TRIO: variants seen among roughly 807,000 people sequenced by gnomAD.
TRIO encodes the protein trio Rho guanine nucleotide exchange factor, also known as triple functional domain protein.
In TRIO, 58 loss-of-function variants were observed where a neutral mutation model predicts 351.9. The ratio of observed to expected loss-of-function variants is 0.16; its 90% CI spans 0.13 to 0.21. The LOEUF (loss-of-function observed/expected upper bound fraction) is 0.21. TRIO is among the 10% of genes least tolerant of loss of function. TRIO has a pLI of 1.00. For missense variants in TRIO, 3,201 were observed against 4,027.8 expected (o/e 0.79, Z 5.56); for synonymous variants, 1,758 against 1,595.7 (o/e 1.10, Z -2.42).
intron 1 of TRIO, among the ~76,000 whole-genome samples, chr5:14,224,086 T>A (rs1397447107): frequency 6.6e-6 from 1 of 152,178 alleles, no homozygotes; most frequent in Non-Finnish European, 1.5e-5. Context: ...TGTTTTATTT[T>A]GAGAATTTTA....
chr5:14,265,463 A>G (rs1031648017), intron 1 of TRIO, among the ~76,000 whole-genome samples: 2 of 152,202 alleles, frequency 1.3e-5, no homozygotes, highest in African/African-American at 4.8e-5. Context: ...AATTTGATTC[A>G]TTTGATTCAT....
rs1488944370 is a variant in TRIO at position 14,497,890 on chromosome 5, T to C, written c.8047+16T>C. 6.2e-7 allele frequency: 1 copy of C among 1,614,248 alleles called. No individual in the cohort carries two copies. The highest frequency in any genetic ancestry group is 2.2e-5 in the East Asian group (1 of 44,888). ...ATTTATGACGGTGAGTTCTGTTCTT[T>C]TTCTTCTAGTCCTAGAGATGATTCT... On this transcript the variant is annotated intron_variant, in intron 51 of 56. Coordinates refer to ENST00000344204, the MANE Select transcript of TRIO (RefSeq NM_007118.4). This position sits in a 1 kb window ranked among gnomAD's most constrained non-coding sequence, Gnocchi z 4.4.
Position 14,390,958 on chromosome 5 carries a change from C to A in TRIO, c.4186C>A (p.Leu1396Met), listed in dbSNP as rs772377862. The change falls in exon 27 of 57, where the codon CTG becomes ATG. Residue 1396 changes from leucine (L) to methionine (M), a missense_variant. Leu to Met is a conservative substitution (Grantham distance 15, BLOSUM62 2). This residue lies in a region of TRIO where 115 missense variants were observed against 239.6 expected (regional missense o/e 0.48). Coordinates refer to ENST00000344204, the MANE Select transcript of TRIO (RefSeq NM_007118.4). ...YCKNKPDSTQ[L>M]ILEHAGSYFD... ...CAAAAATAAGCCTGATTCTACTCAGCTGATATTGGAACATGCAGGGTCCTA... is the reference window on the plus strand; with the variant it reads ...CAAAAATAAGCCTGATTCTACTCAGATGATATTGGAACATGCAGGGTCCTA... 6.2e-7 allele frequency: 1 copy of A among 1,611,166 alleles called. No individual in the cohort carries two copies.
rs1757952820 is a variant in TRIO at position 14,509,527 on chromosome 5, T to C, written c.*1105T>C. The C allele has an allele frequency of 2.6e-6, 1 of 387,310 alleles. No individual in the cohort carries two copies. Among genetic ancestry groups the C allele is most frequent in the African/African-American group, 2.2e-5 (1 of 46,376 alleles). The allele number at this position is 387,310 out of a possible 1,614,324, so 24.0% of individuals were successfully genotyped here. A position where few individuals can be genotyped will look rare whatever the true frequency, so the allele number is the denominator to read the frequency against. On this transcript the variant is annotated 3_prime_UTR_variant, in exon 57 of 57. Coordinates refer to ENST00000344204, the MANE Select transcript of TRIO (RefSeq NM_007118.4). ...ATAAAACTGGATAATAGGGTAATGT[T>C]TTAAAATTTATTATGCTATTATTCA...
chr5:14,300,805 C>G (rs1344043275), intron 7 of TRIO, among the ~76,000 whole-genome samples: 1 of 152,212 alleles, frequency 6.6e-6, no homozygotes, highest in African/African-American at 2.4e-5. Context: ...TAATAACAAA[C>G]TGTTTCACAC....
intron 48 of TRIO, among the ~76,000 whole-genome samples, chr5:14,490,502 C>G (rs1756405495): frequency 6.6e-6 from 1 of 152,246 alleles, no homozygotes; most frequent in Non-Finnish European, 1.5e-5. Context: ...CTGCACCAGT[C>G]CTTCCTGCAG....
chr5:14,366,758 A>G lies in TRIO; in HGVS notation c.2755-102A>G, dbSNP rs941143907. 32 of 1,525,548 alleles carry G rather than the reference A, an allele frequency of 2.1e-5. No homozygotes were observed. The African/African-American group carries it at 4.3e-4, about 20-fold the overall frequency. 94.5% of individuals were successfully genotyped at this position (1,525,548 alleles called of 1,614,324 possible). A position where few individuals can be genotyped will look rare whatever the true frequency, so the allele number is the denominator to read the frequency against. ...AAGGCATCAGTGCCTCGTACCTGCC[A>G]GGAGCAACTGGACTATCTTGCACGC... On this transcript the variant is annotated intron_variant, in intron 15 of 56. Transcript: ENST00000344204.
chr5:14,471,318 G>A lies in TRIO; in HGVS notation c.5764G>A (p.Ala1922Thr). ...TGTTGATTATGTCAATTTCTTCCAGGCACTGGAGGATCGCCCCAGCTCACT... is the reference window on the plus strand; with the variant it reads ...TGTTGATTATGTCAATTTCTTCCAGACACTGGAGGATCGCCCCAGCTCACT... ...AIEELVKSKM[A>T]LEDRPSSLLV... is the part of the protein sequence containing the mutation. The change falls in exon 38 of 57, where the codon GCA (alanine) becomes ACA (threonine). Residue 1922 changes from alanine (A) to threonine (T), a missense_variant and splice_region_variant. By Grantham distance (58) the Ala-to-Thr change is moderately conservative (BLOSUM62 0). Transcript: ENST00000344204. The A allele has an allele frequency of 1.2e-6, 2 of 1,613,558 alleles. No individual in the cohort carries two copies. Among genetic ancestry groups the A allele is most frequent in the Non-Finnish European group, 1.7e-6 (2 of 1,179,724 alleles).
chr5:14,350,248 A>G (rs1046099943), intron 11 of TRIO, among the ~76,000 whole-genome samples: 1 of 152,188 alleles, frequency 6.6e-6, no homozygotes, highest in African/African-American at 2.4e-5. Context: ...GCCACGGCAA[A>G]GAGGAATTAC....
intron 2 of TRIO, among the ~76,000 whole-genome samples, chr5:14,271,803 T>C (rs1795990833): frequency 6.6e-6 from 1 of 152,242 alleles, no homozygotes; most frequent in Non-Finnish European, 1.5e-5. Flanking sequence ...TATATAACAC[T>C]GCTAGCTGCT....
chr5:14,169,489 G>A (rs1237873104), intron 1 of TRIO, among the ~76,000 whole-genome samples: 1 of 152,138 alleles, frequency 6.6e-6, no homozygotes, highest in African/African-American at 2.4e-5. Flanking sequence ...TGAGTCCCAG[G>A]AAATAACTTG....
chr5:14,443,574 G>A (rs191836468), intron 34 of TRIO, among the ~76,000 whole-genome samples: 3 of 152,294 alleles, frequency 2.0e-5, no homozygotes, highest in East Asian at 1.9e-4. Context: ...TGCAAAGCCC[G>A]TCTTACACCT....
chr5:14,312,233 CTA>C (rs1329136296), intron 8 of TRIO, among the ~76,000 whole-genome samples: 1 of 152,150 alleles, frequency 6.6e-6, no homozygotes, highest in East Asian at 1.9e-4. Flanking sequence ...AGTTACAAGT[CTA>C]TGTGCAGTTC....
intron 34 of TRIO, among the ~76,000 whole-genome samples, chr5:14,430,027 G>GAT (rs1248033127): frequency 2.6e-5 from 4 of 152,086 alleles, no homozygotes; most frequent in Admixed American, 6.6e-5. Flanking sequence ...TTTGTTCACT[G>GAT]ATATATACAG....
chr5:14,495,489 G>C (rs1579828800), intron 49 of TRIO, among the ~76,000 whole-genome samples: 1 of 151,912 alleles, frequency 6.6e-6, no homozygotes, highest in Non-Finnish European at 1.5e-5. Context: ...TGTAACAAGG[G>C]GAGTGGTGGC....
At chr5:14,422,018 G>T (rs1750205990) in intron 34 of TRIO, among the ~76,000 whole-genome samples, 2 of 152,330 alleles carry the variant, frequency 1.3e-5, no homozygotes, top group East Asian at 1.9e-4. Flanking sequence ...ACATTGGCAT[G>T]TGCCGGCCTG....
intron 34 of TRIO, among the ~76,000 whole-genome samples, chr5:14,433,140 G>A (rs965875473): frequency 2.0e-5 from 3 of 152,226 alleles, no homozygotes; most frequent in Non-Finnish European, 4.4e-5. Flanking sequence ...TGTAAAAAAG[G>A]AGTATTTGAA....
In TRIO at chr5:14,462,892, C is replaced by A; in HGVS notation, c.5634C>A (p.His1878Gln). ...CGCCACCCATGGCCATCCAGCAGCA[C>A]AGCCTCCTCCAGCCAGACTCACAGG... Reference protein sequence around the residue: ...PLPPPMAIQQHSLLQPDSQDD... With the variant: ...PLPPPMAIQQQSLLQPDSQDD... Residue 1878 changes from histidine (H) to glutamine (Q), a missense_variant, in exon 36 of 57, where the codon CAC (histidine) becomes CAA (glutamine). Physicochemically the swap from His to Gln is conservative, Grantham distance 24. This residue lies in a region of TRIO where 307 missense variants were observed against 396.5 expected (regional missense o/e 0.77). Transcript: ENST00000344204. 6.2e-7 allele frequency: 1 copy of A among 1,604,392 alleles called. No individual in the cohort carries two copies.
At chr5:14,414,817 G>C (rs1181481688) in intron 33 of TRIO, among the ~76,000 whole-genome samples, 2 of 152,190 alleles carry the variant, frequency 1.3e-5, no homozygotes, top group Non-Finnish European at 2.9e-5. Context: ...GTTGGCGTGA[G>C]CACGGAGGGC....
Sources: gnomAD v4.1 joint callset for allele counts (sites outside exome capture counted in the v4.1 genomes callset) on GRCh38, gnomAD v4.1.1 for gene constraint, gnomAD v4.1.1 regional missense constraint, Gnocchi (gnomAD v3.1) non-coding constraint, MANE v1.5 for transcripts, NCBI Gene and HGNC (gene_info 2026-07-23, HGNC 2026-07-21) for gene names.